The following TIMD4 variants were observed in gnomAD, a reference collection of about 807,000 sequenced individuals.
TIMD4 encodes the protein T cell immunoglobulin and mucin domain containing 4.
A neutral mutation model predicts 41.2 loss-of-function variants in TIMD4; 31 were observed. That is an observed-to-expected ratio of 0.75 (90% CI 0.57 to 1.01). The LOEUF (loss-of-function observed/expected upper bound fraction) is 1.01. Ranked by LOEUF, TIMD4 falls within the 50% of genes least tolerant of loss-of-function variation. TIMD4 has a pLI of 0.00. For missense variants in TIMD4, 479 were observed against 472.5 expected, an observed-to-expected ratio of 1.01 and a Z score of -0.13; for synonymous variants, 204 against 177.1, an observed-to-expected ratio of 1.15 and a Z score of -1.21.
chr5:156,951,009 C>CAG (rs138536288), intron 3 of TIMD4, among the ~76,000 whole-genome samples: 60 of 147,404 alleles, frequency 4.1e-4, no homozygotes, highest in Non-Finnish European at 7.1e-4. Context: ...CCTCCTCGTA[C>CAG]ACACACACAC....
chr5:156,948,362 A>T (rs1025435707), intron 5 of TIMD4, 54 bp downstream of exon 5: 29 of 1,060,012 alleles, frequency 2.7e-5, no homozygotes, highest in Non-Finnish European at 3.3e-5. Context: ...TAAAAAAAAT[A>T]ATAATAATAA....
At chr5:156,939,956 C>T (rs1169916745) in intron 5 of TIMD4, among the ~76,000 whole-genome samples, 2 of 152,230 alleles carry the variant, frequency 1.3e-5, no homozygotes, top group African/African-American at 4.8e-5. Flanking sequence ...AACCCTCTCC[C>T]TCTGCCTCTC....
At chr5:156,923,575 T>A (rs1396456869) in intron 6 of TIMD4, among the ~76,000 whole-genome samples, 1 of 152,080 alleles carries the variant, frequency 6.6e-6, no homozygotes, top group Non-Finnish European at 1.5e-5. Flanking sequence ...GGTCTTGCTC[T>A]TGCCCAGGCT....
At chr5:156,936,951 A>G (rs182221592) in intron 5 of TIMD4, among the ~76,000 whole-genome samples, 1 of 150,996 alleles carries the variant, frequency 6.6e-6, no homozygotes, top group South Asian at 2.1e-4. Flanking sequence ...AAAAAAAAAA[A>G]GGAAATGAAA....
intron 5 of TIMD4, among the ~76,000 whole-genome samples, chr5:156,940,448 G>A (rs1295592395): frequency 6.7e-6 from 1 of 148,510 alleles, no homozygotes; most frequent in East Asian, 2.0e-4. Context: ...CCCTCTGCCC[G>A]GCCGCCCAGC....
At chr5:156,955,160 T>C (rs1759948680) in intron 1 of TIMD4, among the ~76,000 whole-genome samples, 1 of 152,208 alleles carries the variant, frequency 6.6e-6, no homozygotes, top group African/African-American at 2.4e-5. Flanking sequence ...CACATGATTC[T>C]ATCCCCTAAG....
chr5:156,930,451 A>T lies in TIMD4; in HGVS notation c.845-4139T>A, dbSNP rs78655409. On this transcript the variant is annotated intron_variant, in intron 5 of 8. Transcript: ENST00000274532. Reference sequence around the variant, plus strand: ...ACTGTTAACAACCTCATTATGCTGGAGTTCAAGTGCCTTGTACCATATAAA... The same window carrying T: ...ACTGTTAACAACCTCATTATGCTGGTGTTCAAGTGCCTTGTACCATATAAA... 3.0e-3 allele frequency among the ~76,000 whole-genome samples: 457 copies of T among 152,340 alleles called. 1 individual carries two copies. Among genetic ancestry groups the T allele is most frequent in the African/African-American group, 0.011 (439 of 41,580 alleles).
intron 5 of TIMD4, among the ~76,000 whole-genome samples, chr5:156,937,857 G>A (rs958715813): frequency 2.3e-4 from 35 of 152,200 alleles, no homozygotes; most frequent in African/African-American, 8.2e-4. Flanking sequence ...TCAAGTCTGT[G>A]AACAGCACTG....
intron 7 of TIMD4, 94 bp from the exon 8 acceptor site, chr5:156,920,597 A>G: frequency 7.5e-7 from 1 of 1,325,226 alleles, no homozygotes; most frequent in South Asian, 1.2e-5. Flanking sequence ...CGCAAAGAGC[A>G]GATATGGGCC....
rs761841993 is a variant in TIMD4, at chr5:156,954,437, G to A, written c.378C>T (p.Asn126=). Residue 126 remains asparagine (N), a synonymous_variant, in exon 2 of 9, where the codon AAC becomes AAT. Coordinates refer to ENST00000274532, the MANE Select transcript of TIMD4 (RefSeq NM_138379.3). ...VPGWFNDVKI[N]VRLNLQRAST... Reference sequence around the variant, plus strand: ...TACCTCTCTGTAGATTCAGGCGCACGTTTATCTTTACATCGTTGAACCAGC... The same window carrying A: ...TACCTCTCTGTAGATTCAGGCGCACATTTATCTTTACATCGTTGAACCAGC... 21 of 1,614,024 alleles carry A rather than the reference G, an allele frequency of 1.3e-5. No individual in the cohort carries two copies. Among genetic ancestry groups the A allele is most frequent in the South Asian group, 6.6e-5 (6 of 91,044 alleles).
intron 5 of TIMD4, among the ~76,000 whole-genome samples, chr5:156,929,713 G>A (rs1759413554): frequency 6.6e-6 from 1 of 152,172 alleles, no homozygotes; most frequent in South Asian, 2.1e-4. Context: ...CTGCCCTCCA[G>A]AACTGAGAGA....
intron 5 of TIMD4, among the ~76,000 whole-genome samples, chr5:156,946,345 C>A (rs1759740147): frequency 6.6e-6 from 1 of 152,134 alleles, no homozygotes; most frequent in Non-Finnish European, 1.5e-5. Context: ...TCTGTTTTCC[C>A]ACTGTATGAG....
At chr5:156,959,193 A>G (rs1435858341) in intron 1 of TIMD4, among the ~76,000 whole-genome samples, 2 of 152,206 alleles carry the variant, frequency 1.3e-5, no homozygotes, top group Non-Finnish European at 2.9e-5. Flanking sequence ...AAAAATTAAT[A>G]TAAGAAAAGG....
chr5:156,948,224 G>A (rs1156602323), intron 5 of TIMD4, among the ~76,000 whole-genome samples, 192 bp downstream of exon 5: 1 of 151,500 alleles, frequency 6.6e-6, no homozygotes, highest in Non-Finnish European at 1.5e-5. Flanking sequence ...CCCAGGCCAG[G>A]CAAGCTGGCT....
At chr5:156,921,232 C>T (rs1759231734) in intron 7 of TIMD4, among the ~76,000 whole-genome samples, 2 of 152,076 alleles carry the variant, frequency 1.3e-5, no homozygotes, top group African/African-American at 4.8e-5. Context: ...AACACATAAA[C>T]ACTTTTGCAT....
At position 156,943,362 on chromosome 5, in the gene TIMD4, G is replaced by A. The variant is rs142205248; in HGVS notation, c.844+5054C>T. ...CGTTATCCCCATTTTACATTTTGAGGAAACTGAGATTCAGAAAAGGATAGA... is the reference window on the plus strand; with the variant it reads ...CGTTATCCCCATTTTACATTTTGAGAAAACTGAGATTCAGAAAAGGATAGA... On this transcript the variant is annotated intron_variant, in intron 5 of 8. Transcript: ENST00000274532. Among the ~76,000 whole-genome samples the A allele has an allele frequency of 9.6e-3, 1,468 of 152,214 alleles. 26 individuals carry two copies. The highest frequency in any genetic ancestry group is 0.033 in the African/African-American group (1,390 of 41,516).
chr5:156,944,521 T>C (rs1452820633), intron 5 of TIMD4, among the ~76,000 whole-genome samples: 8 of 144,868 alleles, frequency 5.5e-5, no homozygotes, highest in African/African-American at 2.1e-4. Context: ...TTTTTTTTTT[T>C]TGAGACGGAG....
intron 1 of TIMD4, among the ~76,000 whole-genome samples, chr5:156,955,915 T>A (rs565741675): frequency 2.6e-5 from 4 of 152,362 alleles, no homozygotes; most frequent in South Asian, 4.1e-4. Flanking sequence ...ATATACATCG[T>A]AGAAAGATTC....
chr5:156,940,144 G>A (rs966816347), intron 5 of TIMD4, among the ~76,000 whole-genome samples: 1 of 152,250 alleles, frequency 6.6e-6, no homozygotes, highest in African/African-American at 2.4e-5. Context: ...TTTTGGTGGA[G>A]ACGGGGTTTC....
Sources: allele counts gnomAD v4.1 joint callset (sites outside exome capture counted in the v4.1 genomes callset), GRCh38; gene constraint gnomAD v4.1.1; transcripts MANE v1.5; gene names NCBI Gene and HGNC (gene_info 2026-07-23, HGNC 2026-07-21).